The following NUP210L variants were observed in gnomAD, a reference collection of about 807,000 sequenced individuals.
NUP210L encodes nuclear pore membrane glycoprotein 210-like.
A neutral mutation model predicts 208.5 loss-of-function variants in NUP210L; 74 were observed. The observed-to-expected ratio is 0.35, with a 90% CI of 0.29 to 0.43. NUP210L has a LOEUF of 0.43. Among genes scored for constraint, NUP210L ranks in the 20% least tolerant of loss-of-function variants. The probability of loss-of-function intolerance (pLI) is 1.00; values close to 1 mark genes in which losing one functional copy is unlikely to be tolerated. For missense variants in NUP210L, 1,843 were observed against 2,289.4 expected, an observed-to-expected ratio of 0.81 and a Z score of 3.98; for synonymous variants, 780 against 816.9, an observed-to-expected ratio of 0.95 and a Z score of 0.77.
intron 1 of NUP210L, among the ~76,000 whole-genome samples, chr1:154,154,153 G>A (rs936315100): frequency 2.0e-5 from 3 of 152,054 alleles, no homozygotes; most frequent in African/African-American, 7.2e-5. Context: ...TATAAATGGG[G>A]CAATTTTGAT....
intron 13 of NUP210L, among the ~76,000 whole-genome samples, chr1:154,102,751 C>A (rs149396136): frequency 0.013 from 1,989 of 152,154 alleles, 28 homozygotes; most frequent in Non-Finnish European, 0.022. Context: ...AGGATGTTGA[C>A]CGTTATTCAT....
At position 153,995,049 on chromosome 1, in the gene NUP210L, C is replaced by CT. The variant is rs763175824; in HGVS notation, c.5491+26dup. The CT allele has an allele frequency of 9.8e-5, 127 of 1,296,688 alleles. No homozygotes were observed. In the African/African-American group the frequency reaches 1.7e-3, roughly 17 times the overall value. 80.3% of individuals were successfully genotyped at this position (1,296,688 alleles called of 1,614,324 possible). A position where few individuals can be genotyped will look rare whatever the true frequency, so the allele number is the denominator to read the frequency against. ...AAAAAGGCAGTTTTCATGTCAAAGTCTATGTTATTGAATATAAGGACTCTA... is the reference window on the plus strand; with the variant it reads ...AAAAAGGCAGTTTTCATGTCAAAGTCTTATGTTATTGAATATAAGGACTCTA... On this transcript the variant is annotated intron_variant, in intron 38 of 39. Transcript: ENST00000368559.
chr1:154,018,724 C>T (rs1353244338), intron 33 of NUP210L, among the ~76,000 whole-genome samples: 2 of 152,154 alleles, frequency 1.3e-5, no homozygotes, highest in East Asian at 3.8e-4. Flanking sequence ...AACCAGTACC[C>T]ACTGTGATCT....
intron 37 of NUP210L, 31 bp downstream of exon 37, chr1:154,000,825 T>A (rs1650166598): frequency 1.9e-6 from 3 of 1,579,708 alleles, no homozygotes; most frequent in Non-Finnish European, 1.7e-6. Context: ...TTTTCCTCTC[T>A]AGATTATAAA....
intron 12 of NUP210L, 54 bp from the exon 13 acceptor site, chr1:154,104,264 G>T: frequency 6.6e-7 from 1 of 1,507,264 alleles, no homozygotes. Context: ...AAAGTCTTAG[G>T]AGGAGGAGAA....
intron 12 of NUP210L, among the ~76,000 whole-genome samples, chr1:154,111,678 T>G (rs1315621237): frequency 6.6e-6 from 1 of 151,590 alleles, no homozygotes; most frequent in South Asian, 2.1e-4. Flanking sequence ...CAGGACTTGA[T>G]GGATTCATGG....
At chr1:154,152,857 A>C in exon 2 of NUP210L, 1 of 1,614,140 alleles carries the variant, frequency 6.2e-7, no homozygotes, top group Non-Finnish European at 8.5e-7. Context: ...TAACTGCATC[A>C]TGATGGGTGG....
intron 34 of NUP210L, 39 bp downstream of exon 34, chr1:154,012,205 G>A (rs1453472028): frequency 6.3e-7 from 1 of 1,599,254 alleles, no homozygotes; most frequent in African/African-American, 1.3e-5. Context: ...AAACGAGAAA[G>A]ATAGGAACAA....
intron 16 of NUP210L, among the ~76,000 whole-genome samples, chr1:154,073,862 T>C (rs923652833): frequency 1.5e-5 from 2 of 134,364 alleles, no homozygotes; most frequent in Admixed American, 1.4e-4. Flanking sequence ...ATAAATAAAT[T>C]CAATGGTATA....
At chr1:154,138,115 T>C in exon 6 of NUP210L, 1 of 1,485,598 alleles carries the variant, frequency 6.7e-7, no homozygotes, top group Non-Finnish European at 8.9e-7. Context: ...CCTGTCACTC[T>C]CCCTTGAACC....
intron 2 of NUP210L, among the ~76,000 whole-genome samples, chr1:154,148,427 G>A (rs1308731401): frequency 2.0e-5 from 3 of 152,026 alleles, no homozygotes; most frequent in East Asian, 3.9e-4. Context: ...AGGTTGCAGT[G>A]AGCCCAGATA....
chr1:154,097,714 T>C (rs759843455), intron 14 of NUP210L, among the ~76,000 whole-genome samples: 64 of 152,216 alleles, frequency 4.2e-4, no homozygotes, highest in Admixed American at 5.9e-4. Flanking sequence ...TCCCTGTGGG[T>C]GCTCCTTATT....
chr1:154,001,873 G>C, exon 36 of NUP210L: 1 of 1,614,114 alleles, frequency 6.2e-7, no homozygotes, highest in Non-Finnish European at 8.5e-7. Context: ...TTCCATTCTT[G>C]CTACGTTCAC....
At chr1:154,030,659 G>A (rs560344819) in intron 27 of NUP210L, among the ~76,000 whole-genome samples, 1 of 152,182 alleles carries the variant, frequency 6.6e-6, no homozygotes, top group African/African-American at 2.4e-5. Context: ...CTTTGATACA[G>A]GCATAGAACC....
intron 15 of NUP210L, among the ~76,000 whole-genome samples, chr1:154,091,646 G>A (rs892758092): frequency 5.3e-5 from 8 of 151,002 alleles, no homozygotes; most frequent in African/African-American, 2.0e-4. Flanking sequence ...GATTACAGGT[G>A]CCCACCACCA....
chr1:154,022,531 C>CTT (rs758870540), intron 31 of NUP210L, among the ~76,000 whole-genome samples, 188 bp from the exon 32 acceptor site: 3 of 144,440 alleles, frequency 2.1e-5, no homozygotes, highest in African/African-American at 5.1e-5. Flanking sequence ...CCCAGGAAGG[C>CTT]TTTTTTTTTT....
At chr1:154,123,742 G>A (rs1657728393) in intron 10 of NUP210L, among the ~76,000 whole-genome samples, 1 of 151,882 alleles carries the variant, frequency 6.6e-6, no homozygotes, top group African/African-American at 2.4e-5. Flanking sequence ...GCCAGCCATT[G>A]TGGCATGATC....
At chr1:154,054,492 ACTT>A (rs1557943367) in intron 24 of NUP210L, 85 bp from the exon 25 acceptor site, 2 of 1,311,758 alleles carry the variant, frequency 1.5e-6, no homozygotes, top group Non-Finnish European at 2.2e-6. Flanking sequence ...AAGCAACTTG[ACTT>A]CTTCATCTTC....
chr1:154,016,542 T>TA (rs199875558), intron 33 of NUP210L, among the ~76,000 whole-genome samples: 166 of 147,248 alleles, frequency 1.1e-3, no homozygotes, highest in Admixed American at 2.5e-3. Context: ...ATTTCTCTCA[T>TA]AAAAAAAAAA....
Sources: allele counts gnomAD v4.1 joint callset (sites outside exome capture counted in the v4.1 genomes callset), GRCh38; gene constraint gnomAD v4.1.1; transcripts MANE v1.5; gene names NCBI Gene and HGNC (gene_info 2026-07-23, HGNC 2026-07-21).